Variants in CDH9 observed in about 807,000 individuals in gnomAD.
CDH9 encodes the protein cadherin 9.
Under a neutral mutation model 70.9 loss-of-function variants are expected in CDH9, and 28 were observed. The ratio of observed to expected loss-of-function variants is 0.40; its 90% confidence interval spans 0.29 to 0.54. The LOEUF (loss-of-function observed/expected upper bound fraction) is 0.54. CDH9 is among the 20% of genes least tolerant of loss of function. CDH9 has a pLI of 0.59. For missense variants in CDH9, 874 were observed against 984.4 expected, an observed-to-expected ratio of 0.89 and a Z score of 1.50; for synonymous variants, 409 against 343.1, an observed-to-expected ratio of 1.19 and a Z score of -2.12.
chr5:26,888,960 T>C (rs989562206), intron 9 of CDH9, among the ~76,000 whole-genome samples: 2 of 152,120 alleles, frequency 1.3e-5, no homozygotes, highest in African/African-American at 4.8e-5. Flanking sequence ...CTTAATTACT[T>C]CTTTGAAACA....
chr5:26,985,253 A>G (rs1742469601), intron 2 of CDH9, among the ~76,000 whole-genome samples: 1 of 152,070 alleles, frequency 6.6e-6, no homozygotes, highest in Non-Finnish European at 1.5e-5. Flanking sequence ...ATTTATGAAA[A>G]TATTTCTAGC....
chr5:26,971,069 A>G (rs1272993948), intron 2 of CDH9, among the ~76,000 whole-genome samples: 4 of 152,250 alleles, frequency 2.6e-5, no homozygotes, highest in African/African-American at 9.6e-5. Context: ...TTGTCCTATG[A>G]AGTTCCTTTT....
At position 26,916,348 on chromosome 5, in the gene CDH9, G is replaced by A. The variant is rs577379701; in HGVS notation, c.229-424C>T. On this transcript the variant is annotated intron_variant, in intron 2 of 11. Coordinates refer to ENST00000231021, the MANE Select transcript of CDH9 (RefSeq NM_016279.4). ...ATTTCTGAAGGTATTATAATGACAA[G>A]TTCAGAATAGCTACCTTAATTTTTA... Among the ~76,000 whole-genome samples the A allele has an allele frequency of 3.9e-5, 6 of 152,004 alleles. 1 individual carries two copies. The South Asian group carries it at 1.0e-3, about 26-fold the overall frequency.
At chr5:26,967,667 T>A (rs1579483397) in intron 2 of CDH9, among the ~76,000 whole-genome samples, 1 of 152,162 alleles carries the variant, frequency 6.6e-6, no homozygotes, top group East Asian at 1.9e-4. Context: ...AACATCCTAT[T>A]TTAAGTTACA....
chr5:26,918,746 C>A (rs1741192165), intron 2 of CDH9, among the ~76,000 whole-genome samples: 1 of 152,172 alleles, frequency 6.6e-6, no homozygotes, highest in African/African-American at 2.4e-5. Context: ...CTTCTCCTGC[C>A]TTTGGACTCA....
At chr5:26,894,683 G>A (rs1740716177) in intron 7 of CDH9, among the ~76,000 whole-genome samples, 1 of 151,990 alleles carries the variant, frequency 6.6e-6, no homozygotes, top group African/African-American at 2.4e-5. Context: ...AAATACATTG[G>A]ATTACCACAA....
At chr5:26,886,927 CT>C (rs1260032849) in intron 9 of CDH9, among the ~76,000 whole-genome samples, 3 of 152,146 alleles carry the variant, frequency 2.0e-5, no homozygotes, top group African/African-American at 7.2e-5. Context: ...ATTACTCTGA[CT>C]TTTAACGTTC....
intron 2 of CDH9, among the ~76,000 whole-genome samples, chr5:26,975,139 G>C (rs544288251): frequency 3.2e-4 from 48 of 152,290 alleles, no homozygotes; most frequent in South Asian, 6.2e-4. Context: ...GCCCTGGAAA[G>C]AAGGAAAGCT....
intron 2 of CDH9, among the ~76,000 whole-genome samples, chr5:26,979,417 A>C (rs1393114333): frequency 6.6e-6 from 1 of 150,660 alleles, no homozygotes. Context: ...ATGTTTAAAA[A>C]AATGATTAAT....
intron 6 of CDH9, chr5:26,903,045 T>A (rs1428688052): frequency 9.1e-6 from 2 of 219,072 alleles, no homozygotes; most frequent in Admixed American, 1.1e-4. Flanking sequence ...ATTATTAAAG[T>A]TATGCAGTTA....
chr5:26,973,620 T>C (rs1025688755), intron 2 of CDH9, among the ~76,000 whole-genome samples: 1 of 152,170 alleles, frequency 6.6e-6, no homozygotes, highest in African/African-American at 2.4e-5. Context: ...TAATTCCAAC[T>C]AGAAGAAATT....
intron 11 of CDH9, 70 bp from the exon 12 acceptor site, chr5:26,881,693 T>C: frequency 7.1e-7 from 1 of 1,408,264 alleles, no homozygotes; most frequent in East Asian, 2.3e-5. Flanking sequence ...CTTCTGAGTG[T>C]GAAATTCGTT....
intron 7 of CDH9, among the ~76,000 whole-genome samples, chr5:26,893,670 CAT>C (rs1170851858): frequency 6.8e-6 from 1 of 146,290 alleles, no homozygotes; most frequent in Admixed American, 7.3e-5. Flanking sequence ...TGCATAACAG[CAT>C]ATATATATAT....
At chr5:26,902,341 A>G in intron 7 of CDH9, 135 bp downstream of exon 7, 1 of 616,906 alleles carries the variant, frequency 1.6e-6, no homozygotes, top group Non-Finnish European at 2.8e-6. Context: ...TTTTTCACAC[A>G]GTTTGTAAAT....
intron 1 of CDH9, among the ~76,000 whole-genome samples, chr5:27,013,253 T>C (rs1026003348): frequency 6.6e-6 from 1 of 151,928 alleles, no homozygotes; most frequent in Non-Finnish European, 1.5e-5. Flanking sequence ...GTTTAATTAG[T>C]CAAATATTTT....
chr5:26,973,171 G>C (rs1742250113), intron 2 of CDH9, among the ~76,000 whole-genome samples: 2 of 152,016 alleles, frequency 1.3e-5, no homozygotes, highest in African/African-American at 4.8e-5. Flanking sequence ...CTTAAACTTA[G>C]ATTTTTATCT....
chr5:26,958,746 T>A (rs1031796145), intron 2 of CDH9, among the ~76,000 whole-genome samples: 1 of 152,042 alleles, frequency 6.6e-6, no homozygotes. Context: ...AAAAGAAGGA[T>A]AAAAATAAAT....
chr5:27,028,819 G>GT, intron 1 of CDH9, among the ~76,000 whole-genome samples: 1 of 151,984 alleles, frequency 6.6e-6, no homozygotes. Context: ...TTCAAGAAAT[G>GT]TACTTCCTTA....
At chr5:26,954,492 C>T (rs1233061962) in intron 2 of CDH9, among the ~76,000 whole-genome samples, 1 of 146,116 alleles carries the variant, frequency 6.8e-6, no homozygotes. Flanking sequence ...TCACGCCATT[C>T]GCCTGCCTCA....
Sources: gnomAD v4.1 joint callset for allele counts (sites outside exome capture counted in the v4.1 genomes callset) on GRCh38, gnomAD v4.1.1 for gene constraint, MANE v1.5 for transcripts, NCBI Gene and HGNC (gene_info 2026-07-23, HGNC 2026-07-21) for gene names.